The following ZNF90 variants were observed in gnomAD, a reference collection of about 807,000 sequenced individuals.
ZNF90 encodes zinc finger protein 90, also known as zinc finger protein HTF9.
Under a neutral mutation model 12.0 loss-of-function variants are expected in ZNF90, and 11 were observed. The ratio of observed to expected loss-of-function variants is 0.92; its 90% CI spans 0.58 to 1.52. ZNF90 has a LOEUF of 1.52. ZNF90 is among the 40% of genes most tolerant of loss of function. The pLI, the probability that ZNF90 is intolerant of heterozygous loss-of-function variation, is 0.00. For missense variants in ZNF90, 765 were observed against 711.5 expected (o/e 1.08, Z -0.86); for synonymous variants, 232 against 240.1 (o/e 0.97, Z 0.31).
At chr19:20,108,875 C>A (rs986548306) in intron 3 of ZNF90, among the ~76,000 whole-genome samples, 7 of 151,608 alleles carry the variant, frequency 4.6e-5, no homozygotes, top group Non-Finnish European at 8.8e-5. Context: ...TACAGGCGTG[C>A]CACCACAACT....
At chr19:20,088,593 G>T (rs1337155888) in intron 1 of ZNF90, among the ~76,000 whole-genome samples, 5 of 152,140 alleles carry the variant, frequency 3.3e-5, no homozygotes, top group African/African-American at 7.2e-5. Flanking sequence ...TCATACACCA[G>T]GCCAGATTGA....
intron 1 of ZNF90, among the ~76,000 whole-genome samples, chr19:20,099,548 G>A (rs939521225): frequency 1.3e-5 from 2 of 152,198 alleles, no homozygotes; most frequent in African/African-American, 2.4e-5. Context: ...GCTGGACACT[G>A]GTGTGGCCTT....
intron 3 of ZNF90, among the ~76,000 whole-genome samples, chr19:20,110,001 G>A (rs1392823135): frequency 2.0e-5 from 3 of 152,094 alleles, no homozygotes; most frequent in African/African-American, 7.2e-5. Context: ...CTGATTTTAT[G>A]ATTTTGACTA....
chr19:20,095,085 C>CCT (rs2088932616), intron 1 of ZNF90, among the ~76,000 whole-genome samples: 1 of 151,680 alleles, frequency 6.6e-6, no homozygotes, highest in Admixed American at 6.6e-5. Flanking sequence ...TCAGATGGGT[C>CCT]TGTAGAAAAG....
chr19:20,091,872 C>A (rs186923748), intron 1 of ZNF90, among the ~76,000 whole-genome samples: 2 of 152,130 alleles, frequency 1.3e-5, no homozygotes, highest in Admixed American at 1.3e-4. Context: ...GTAACTAGTT[C>A]GGCTTGCTGA....
At chr19:20,082,494 T>C (rs1016899849) in intron 1 of ZNF90, among the ~76,000 whole-genome samples, 3 of 152,198 alleles carry the variant, frequency 2.0e-5, no homozygotes, top group East Asian at 1.9e-4. Context: ...TGCAGGAACA[T>C]GTGCTGTGTC....
chr19:20,111,107 CT>C (rs1300335305), intron 3 of ZNF90, among the ~76,000 whole-genome samples: 1 of 152,034 alleles, frequency 6.6e-6, no homozygotes, highest in Non-Finnish European at 1.5e-5. Flanking sequence ...AATGTGATGT[CT>C]TTTTCCTATA....
At chr19:20,094,987 A>G (rs1272255220) in intron 1 of ZNF90, among the ~76,000 whole-genome samples, 1 of 152,116 alleles carries the variant, frequency 6.6e-6, no homozygotes, top group Non-Finnish European at 1.5e-5. Context: ...AGGTGATAGA[A>G]GGATTATAGG....
At chr19:20,101,206 T>C (rs1340971303) in intron 1 of ZNF90, among the ~76,000 whole-genome samples, 3 of 152,228 alleles carry the variant, frequency 2.0e-5, no homozygotes, top group African/African-American at 7.2e-5. Flanking sequence ...CCATTGTTCC[T>C]GCATGGCTAA....
chr19:20,093,493 C>T (rs906965063), intron 1 of ZNF90, among the ~76,000 whole-genome samples: 6 of 151,956 alleles, frequency 3.9e-5, no homozygotes, highest in Middle Eastern at 3.4e-3. Flanking sequence ...GAGGAAGATG[C>T]GAAGGAGGCT....
chr19:20,108,998 C>T (rs1370058649), intron 3 of ZNF90, among the ~76,000 whole-genome samples: 1 of 151,934 alleles, frequency 6.6e-6, no homozygotes, highest in Non-Finnish European at 1.5e-5. Flanking sequence ...GCTGGGATTA[C>T]AGTCTTGAGC....
At chr19:20,093,891 C>T (rs1156892049) in intron 1 of ZNF90, among the ~76,000 whole-genome samples, 2 of 152,130 alleles carry the variant, frequency 1.3e-5, no homozygotes, top group East Asian at 1.9e-4. Flanking sequence ...TCTTCAGTTG[C>T]TAAGCCAAGC....
At chr19:20,109,470 G>T (rs929435488) in intron 3 of ZNF90, among the ~76,000 whole-genome samples, 2 of 151,942 alleles carry the variant, frequency 1.3e-5, no homozygotes, top group Non-Finnish European at 2.9e-5. Context: ...TGATCTGAAG[G>T]TAATTTTCAG....
chr19:20,113,601 G>A (rs782212856), intron 3 of ZNF90, among the ~76,000 whole-genome samples: 1 of 152,022 alleles, frequency 6.6e-6, no homozygotes, highest in African/African-American at 2.4e-5. Flanking sequence ...AGGCCAAGAC[G>A]GGCGGATCAT....
intron 3 of ZNF90, among the ~76,000 whole-genome samples, chr19:20,105,731 AT>A (rs2089030620): frequency 6.6e-6 from 1 of 152,044 alleles, no homozygotes; most frequent in Admixed American, 6.6e-5. Flanking sequence ...TTCTTTGTTC[AT>A]TTTTCTGCAT....
chr19:20,113,847 A>G lies in ZNF90; in HGVS notation c.227-3934A>G, dbSNP rs556350581. On this transcript the variant is annotated intron_variant, in intron 3 of 3. Coordinates refer to ENST00000418063, the MANE Select transcript of ZNF90 (RefSeq NM_007138.2). Reference sequence around the variant, plus strand: ...GGTCTCAAAAACACTCCTAATTTCAACATCAATTTCCTTGTGAATCTATCT... The same window carrying G: ...GGTCTCAAAAACACTCCTAATTTCAGCATCAATTTCCTTGTGAATCTATCT... Among the ~76,000 whole-genome samples the G allele has an allele frequency of 2.0e-5, 3 of 152,230 alleles. No homozygotes were observed. In the South Asian group the frequency reaches 6.2e-4, roughly 32 times the overall value.
At position 20,078,063 on chromosome 19, in the gene ZNF90, C is replaced by T. The variant is rs1283981131; in HGVS notation, c.-70C>T. 6.2e-7 allele frequency: 1 copy of T among 1,607,706 alleles called. No individual in the cohort carries two copies. Among genetic ancestry groups the T allele is most frequent in the African/African-American group, 1.3e-5 (1 of 74,774 alleles). On this transcript the variant is annotated 5_prime_UTR_variant, in exon 1 of 4. Transcript: ENST00000418063. ...CTTAGCTGCTTCGTGTCTTCTTCTC[C>T]AGCCTCTGTGGCCCTGTGACCTGCA...
In ZNF90 at chr19:20,119,454, C is replaced by G. The variant is rs1188520213; in HGVS notation, c.*94C>G. On this transcript the variant is annotated 3_prime_UTR_variant, in exon 4 of 4. Transcript: ENST00000418063. ...TGTTGGAAAGCCTTTGACCACCCCTCTACTCTTACTAAATATGAGAATTTA... is the reference window on the plus strand; with the variant it reads ...TGTTGGAAAGCCTTTGACCACCCCTGTACTCTTACTAAATATGAGAATTTA... 6 of 1,003,766 alleles carry G rather than the reference C, an allele frequency of 6.0e-6. No homozygotes were observed. The highest frequency in any genetic ancestry group is 8.7e-6 in the Non-Finnish European group (6 of 691,166). 62.2% of individuals were successfully genotyped at this position (1,003,766 alleles called of 1,614,324 possible).
In ZNF90 at chr19:20,119,803, C is replaced by T. The variant is rs2089180479; in HGVS notation, c.*443C>T. 6.2e-6 allele frequency: 1 copy of T among 161,768 alleles called. No homozygotes were observed. The highest frequency in any genetic ancestry group is 2.4e-5 in the African/African-American group (1 of 41,460). 10.0% of individuals were successfully genotyped at this position (161,768 alleles called of 1,614,324 possible). A position where few individuals can be genotyped will look rare whatever the true frequency, so the allele number is the denominator to read the frequency against. ...AGAGACAGGGTTTTGCCATATTTAACAGGCTGGTCTCCAACTGTGATTCAC... is the reference window on the plus strand; with the variant it reads ...AGAGACAGGGTTTTGCCATATTTAATAGGCTGGTCTCCAACTGTGATTCAC... On this transcript the variant is annotated 3_prime_UTR_variant, in exon 4 of 4. Transcript: ENST00000418063.
Sources: gnomAD v4.1 joint callset for allele counts (sites outside exome capture counted in the v4.1 genomes callset) on GRCh38, gnomAD v4.1.1 for gene constraint, MANE v1.5 for transcripts, NCBI Gene and HGNC (gene_info 2026-07-23, HGNC 2026-07-21) for gene names.